NALF1: variants seen among roughly 807,000 people sequenced by gnomAD.
NALF1 encodes family with sequence similarity 155 member A.
In NALF1, 3 loss-of-function variants were observed where a neutral mutation model predicts 48.4. That is an observed-to-expected ratio of 0.06 (90% CI 0.03 to 0.16). NALF1 has a LOEUF of 0.16. NALF1 is among the 10% of genes least tolerant of loss of function. The pLI is 1.00. For synonymous variants in NALF1, 262 were observed against 245.7 expected, an observed-to-expected ratio of 1.07 and a Z score of -0.62; for missense variants, 526 against 571.5, an observed-to-expected ratio of 0.92 and a Z score of 0.81.
At chr13:107,802,159 ATTTG>A (rs1348438959) in intron 1 of NALF1, among the ~76,000 whole-genome samples, 1 of 152,136 alleles carries the variant, frequency 6.6e-6, no homozygotes, top group Non-Finnish European at 1.5e-5. Context: ...GTAAACCATC[ATTTG>A]TTTGTGTAAT....
intron 1 of NALF1, among the ~76,000 whole-genome samples, chr13:107,238,286 C>T (rs1457029006): frequency 1.3e-5 from 2 of 152,210 alleles, no homozygotes; most frequent in Non-Finnish European, 2.9e-5. Context: ...TCTGAGCCCT[C>T]ATCTTCCTCT....
At chr13:107,734,496 T>C (rs779929726) in intron 1 of NALF1, among the ~76,000 whole-genome samples, 2 of 152,044 alleles carry the variant, frequency 1.3e-5, no homozygotes, top group Non-Finnish European at 2.9e-5. Flanking sequence ...ACTTTCCTCC[T>C]GCAATACCAG....
intron 1 of NALF1, among the ~76,000 whole-genome samples, chr13:107,563,906 CA>C (rs1484830162): frequency 6.6e-6 from 1 of 152,150 alleles, no homozygotes; most frequent in Non-Finnish European, 1.5e-5. Flanking sequence ...GGCAGATAAC[CA>C]TTTTAGAATA....
chr13:107,547,059 A>G (rs1016278416), intron 1 of NALF1, among the ~76,000 whole-genome samples: 1 of 152,236 alleles, frequency 6.6e-6, no homozygotes, highest in Non-Finnish European at 1.5e-5. Context: ...ATTAAATAAC[A>G]TATTTGTAAA....
chr13:107,419,200 A>T (rs758331171), intron 1 of NALF1, among the ~76,000 whole-genome samples: 40 of 152,206 alleles, frequency 2.6e-4, no homozygotes, highest in Non-Finnish European at 4.6e-4. Flanking sequence ...GATTTGCATG[A>T]TTTATTTAAA....
chr13:107,828,606 TACACACACACACACACACACAC>T (rs60869824), intron 1 of NALF1, among the ~76,000 whole-genome samples: 8 of 104,004 alleles, frequency 7.7e-5, no homozygotes, highest in African/African-American at 2.3e-4. Context: ...TCTATATCTA[TACACACACACACACACACACAC>T]ACACACACAC....
At chr13:107,476,759 G>A (rs1292067558) in intron 1 of NALF1, among the ~76,000 whole-genome samples, 1 of 151,856 alleles carries the variant, frequency 6.6e-6, no homozygotes, top group Non-Finnish European at 1.5e-5. Context: ...AATCCTTAAT[G>A]GACTCACCTA....
intron 1 of NALF1, among the ~76,000 whole-genome samples, chr13:107,792,912 A>T (rs2138588775): frequency 6.6e-6 from 1 of 152,274 alleles, no homozygotes; most frequent in Non-Finnish European, 1.5e-5. Flanking sequence ...GGCCTCAAGG[A>T]ATCCCCCGCC....
chr13:107,626,747 G>A (rs1367854859), intron 1 of NALF1, among the ~76,000 whole-genome samples: 1 of 151,976 alleles, frequency 6.6e-6, no homozygotes, highest in African/African-American at 2.4e-5. Context: ...TCTCATGGAG[G>A]TTGAGAGTAG....
At chr13:107,758,125 C>T (rs192138289) in intron 1 of NALF1, among the ~76,000 whole-genome samples, 1 of 152,180 alleles carries the variant, frequency 6.6e-6, no homozygotes, top group African/African-American at 2.4e-5. Context: ...GTTACTGAGG[C>T]AATGCAAGAA....
intron 1 of NALF1, among the ~76,000 whole-genome samples, chr13:107,401,795 A>C (rs962038140): frequency 2.0e-5 from 3 of 152,180 alleles, no homozygotes; most frequent in African/African-American, 2.4e-5. Context: ...TACATTTAGG[A>C]TAGCAATAAA....
intron 1 of NALF1, among the ~76,000 whole-genome samples, chr13:107,594,362 G>C (rs1878685366): frequency 6.6e-6 from 1 of 151,992 alleles, no homozygotes; most frequent in Non-Finnish European, 1.5e-5. Context: ...ACATCAATTT[G>C]AACAGTGAAC....
chr13:107,188,560 T>A (rs565416509), intron 2 of NALF1, among the ~76,000 whole-genome samples: 21 of 152,306 alleles, frequency 1.4e-4, no homozygotes, highest in Admixed American at 1.4e-3. Flanking sequence ...AATACATTTA[T>A]AAACAAGTAG....
chr13:107,864,384 AC>A (rs1414706612), intron 1 of NALF1, among the ~76,000 whole-genome samples: 1 of 152,206 alleles, frequency 6.6e-6, no homozygotes, highest in Non-Finnish European at 1.5e-5. Flanking sequence ...TGGCCTTTCG[AC>A]TGTGTTCATT....
chr13:107,777,245 T>C (rs1385290947), intron 1 of NALF1, among the ~76,000 whole-genome samples: 3 of 152,096 alleles, frequency 2.0e-5, no homozygotes, highest in Non-Finnish European at 4.4e-5. Flanking sequence ...GTAAGAAAAT[T>C]ATGTTTAGAA....
intron 1 of NALF1, among the ~76,000 whole-genome samples, chr13:107,615,533 G>C (rs1259896836): frequency 6.6e-6 from 1 of 152,160 alleles, no homozygotes; most frequent in Admixed American, 6.5e-5. Flanking sequence ...ATGATGGTGT[G>C]CCAAAATATT....
chr13:107,298,652 G>A (rs566316306), intron 1 of NALF1, among the ~76,000 whole-genome samples: 10 of 151,908 alleles, frequency 6.6e-5, no homozygotes, highest in Non-Finnish European at 8.8e-5. Context: ...GGCTTGTCTC[G>A]AACTCCTGAC....
At chr13:107,416,600 AATAC>A (rs1393764746) in intron 1 of NALF1, among the ~76,000 whole-genome samples, 1 of 151,904 alleles carries the variant, frequency 6.6e-6, no homozygotes. Flanking sequence ...TACTGCATAT[AATAC>A]ATACAACACA....
intron 1 of NALF1, among the ~76,000 whole-genome samples, chr13:107,549,646 C>T (rs1231459981): frequency 6.6e-6 from 1 of 152,070 alleles, no homozygotes; most frequent in Non-Finnish European, 1.5e-5. Context: ...TTTTTGTATA[C>T]TAATTGAGAG....
Sources: gnomAD v4.1 joint callset for allele counts (sites outside exome capture counted in the v4.1 genomes callset) on GRCh38, gnomAD v4.1.1 for gene constraint, MANE v1.5 for transcripts, NCBI Gene and HGNC (gene_info 2026-07-23, HGNC 2026-07-21) for gene names.